Variants in FREM1 observed in about 807,000 individuals in gnomAD.
FREM1 encodes the protein FRAS1-related extracellular matrix protein 1.
In FREM1, 220 loss-of-function variants were observed where a neutral mutation model predicts 210.1. The ratio of observed to expected loss-of-function variants is 1.05; its 90% CI spans 0.94 to 1.17. The LOEUF (loss-of-function observed/expected upper bound fraction) is 1.17. Among genes scored for constraint, FREM1 ranks in the 50% most tolerant of loss-of-function variants. The pLI is 0.00. For synonymous variants in FREM1, 1,189 were observed against 980.2 expected, an observed-to-expected ratio of 1.21 and a Z score of -3.98; for missense variants, 3,454 against 2,675.5, an observed-to-expected ratio of 1.29 and a Z score of -6.42.
intron 28 of FREM1, among the ~76,000 whole-genome samples, chr9:14,757,227 G>C (rs1163040409): frequency 6.6e-6 from 1 of 152,200 alleles, no homozygotes; most frequent in Non-Finnish European, 1.5e-5. Flanking sequence ...TCATGGCCTT[G>C]AATTCCACCC....
In FREM1 at chr9:14,781,437, G is replaced by A. The variant is rs140376381; in HGVS notation, c.4442+2933C>T. On this transcript the variant is annotated intron_variant, in intron 24 of 36. Transcript: ENST00000380880. Reference sequence around the variant, plus strand: ...TTTTTGCCATATGCCTGTACTATGTGTACTCTTATTATTTACTAGTTTTCT... The same window carrying A: ...TTTTTGCCATATGCCTGTACTATGTATACTCTTATTATTTACTAGTTTTCT... Among the ~76,000 whole-genome samples, 17 of 152,188 alleles carry A rather than the reference G, an allele frequency of 1.1e-4. No homozygotes were observed. In the East Asian group the frequency reaches 3.1e-3, roughly 28 times the overall value.
intron 20 of FREM1, among the ~76,000 whole-genome samples, chr9:14,800,268 T>C (rs1213959785): frequency 2.0e-5 from 3 of 152,010 alleles, no homozygotes; most frequent in Non-Finnish European, 4.4e-5. Context: ...AAAGGTGCGT[T>C]CTGAAGGCAC....
intron 27 of FREM1, among the ~76,000 whole-genome samples, chr9:14,768,239 C>A (rs1172131270): frequency 6.8e-6 from 1 of 147,886 alleles, no homozygotes; most frequent in Non-Finnish European, 1.5e-5. Context: ...GATCAACATT[C>A]CTATGTTTTC....
At chr9:14,817,962 C>G (rs529671843) in intron 14 of FREM1, among the ~76,000 whole-genome samples, 1 of 152,170 alleles carries the variant, frequency 6.6e-6, no homozygotes, top group Non-Finnish European at 1.5e-5. Context: ...TCAAATGGCC[C>G]TAAGAGTACA....
At chr9:14,772,107 A>T (rs898118382) in intron 25 of FREM1, among the ~76,000 whole-genome samples, 2 of 144,966 alleles carry the variant, frequency 1.4e-5, no homozygotes, top group Middle Eastern at 3.5e-3. Context: ...CAAGATTCTT[A>T]AAAAAAAACA....
Position 14,841,214 on chromosome 9 carries a change from G to A in FREM1, c.1881+233C>T, listed in dbSNP as rs145985999. 2.2e-3 allele frequency among the ~76,000 whole-genome samples: 337 copies of A among 152,254 alleles called. 1 individual carries two copies. Among genetic ancestry groups the A allele is most frequent in the African/African-American group, 7.6e-3 (316 of 41,550 alleles). On this transcript the variant is annotated intron_variant, in intron 10 of 36. Coordinates refer to ENST00000380880, the MANE Select transcript of FREM1 (RefSeq NM_001379081.2). ...TTTGTGAGTTGCTCTACATAAAAGG[G>A]TCCCATAGTTAAATGACCTTGAAAC... is the stretch of plus-strand genomic sequence containing the variant.
chr9:14,740,355 C>A, intron 35 of FREM1, 121 bp from the exon 36 acceptor site: 1 of 715,434 alleles, frequency 1.4e-6, no homozygotes, highest in South Asian at 1.8e-5. Flanking sequence ...TTTAAAAAAA[C>A]TTTCTAAGAT....
intron 27 of FREM1, 82 bp downstream of exon 27, chr9:14,769,641 TA>T: frequency 1.4e-6 from 2 of 1,400,588 alleles, no homozygotes; most frequent in Non-Finnish European, 1.9e-6. Context: ...GGTTCTGTTT[TA>T]AAAAGAACAT....
intron 17 of FREM1, among the ~76,000 whole-genome samples, chr9:14,807,258 G>A (rs982347055): frequency 6.6e-6 from 1 of 152,188 alleles, no homozygotes; most frequent in Admixed American, 6.5e-5. Flanking sequence ...TTCAAGATCA[G>A]TTGGTACCTC....
chr9:14,783,091 T>C (rs1327191605), intron 24 of FREM1, among the ~76,000 whole-genome samples: 2 of 152,256 alleles, frequency 1.3e-5, no homozygotes, highest in African/African-American at 4.8e-5. Context: ...TACCTGCTTG[T>C]TAAGGGACAC....
intron 13 of FREM1, among the ~76,000 whole-genome samples, chr9:14,822,661 G>A (rs191192066): frequency 4.6e-4 from 70 of 152,254 alleles, no homozygotes; most frequent in East Asian, 1.2e-3. Flanking sequence ...TTTGTAGTTC[G>A]GTTTTAATGA....
At chr9:14,849,783 A>G (rs1170456835) in intron 6 of FREM1, among the ~76,000 whole-genome samples, 1 of 152,174 alleles carries the variant, frequency 6.6e-6, no homozygotes, top group Non-Finnish European at 1.5e-5. Flanking sequence ...TGTCTAACGA[A>G]AAAAATCACA....
chr9:14,862,800 G>C (rs903503901), intron 3 of FREM1, among the ~76,000 whole-genome samples: 1 of 152,060 alleles, frequency 6.6e-6, no homozygotes, highest in African/African-American at 2.4e-5. Context: ...TCATGCTGTA[G>C]CCTTTATCAG....
chr9:14,784,309 A>T, intron 24 of FREM1, 61 bp downstream of exon 24: 1 of 1,502,830 alleles, frequency 6.7e-7, no homozygotes, highest in South Asian at 1.3e-5. Context: ...ACATTAACAG[A>T]TCTCCTTTTC....
intron 16 of FREM1, among the ~76,000 whole-genome samples, chr9:14,810,847 T>C (rs987547929): frequency 1.3e-5 from 2 of 152,212 alleles, no homozygotes; most frequent in Non-Finnish European, 2.9e-5. Context: ...GTGACTCTTT[T>C]AGATATGTAA....
rs767269637 is a variant in FREM1 at position 14,825,030 on chromosome 9, C to CA, written c.1882-39dup. The CA allele has an allele frequency of 1.2e-5, 17 of 1,428,060 alleles. No homozygotes were observed. The East Asian group carries it at 1.4e-4, about 12-fold the overall frequency. 88.5% of individuals were successfully genotyped at this position (1,428,060 alleles called of 1,614,324 possible). On this transcript the variant is annotated intron_variant, in intron 10 of 36. Coordinates refer to ENST00000380880, the MANE Select transcript of FREM1 (RefSeq NM_001379081.2). Reference sequence around the variant, plus strand: ...TGTCTGTACCATTAATTTGAAATACCAAAAAAACAACAAAGAAAATGCCCC... The same window carrying CA: ...TGTCTGTACCATTAATTTGAAATACCAAAAAAAACAACAAAGAAAATGCCCC...
chr9:14,777,928 G>A (rs542333784), intron 24 of FREM1, among the ~76,000 whole-genome samples: 1 of 152,266 alleles, frequency 6.6e-6, no homozygotes, highest in East Asian at 1.9e-4. Flanking sequence ...CTATGCTGAA[G>A]TTTTTTAGTT....
chr9:14,892,670 G>T (rs945526426), intron 1 of FREM1, among the ~76,000 whole-genome samples: 2 of 152,076 alleles, frequency 1.3e-5, no homozygotes, highest in African/African-American at 4.8e-5. Flanking sequence ...ATGGGGACAA[G>T]TTTCCCCCTA....
At chr9:14,909,122 A>G (rs1195944467) in intron 1 of FREM1, among the ~76,000 whole-genome samples, 1 of 152,138 alleles carries the variant, frequency 6.6e-6, no homozygotes, top group South Asian at 2.1e-4. Context: ...ATAAACACCA[A>G]TTGGCTCCCA....
Sources: gnomAD v4.1 joint callset for allele counts (sites outside exome capture counted in the v4.1 genomes callset) on GRCh38, gnomAD v4.1.1 for gene constraint, MANE v1.5 for transcripts, NCBI Gene and HGNC (gene_info 2026-07-23, HGNC 2026-07-21) for gene names.